COL18A1: variants seen among roughly 807,000 people sequenced by gnomAD.
COL18A1 encodes the protein collagen type XVIII alpha 1 chain.
COL18A1 carries 133 observed loss-of-function variants against 168.0 expected under a neutral mutation model. The observed-to-expected ratio is 0.79, with a 90% CI of 0.69 to 0.91. COL18A1 has a LOEUF of 0.91. Ranked by LOEUF, COL18A1 falls within the 40% of genes least tolerant of loss-of-function variation. The pLI is 0.00. For missense variants in COL18A1, 2,126 were observed against 1,925.4 expected (o/e 1.10, Z -1.95); for synonymous variants, 949 against 809.0 (o/e 1.17, Z -2.94).
intron 26 of COL18A1, 87 bp from the exon 27 acceptor site, chr21:45,494,458 C>G (rs779200941): frequency 6.3e-7 from 1 of 1,593,396 alleles, no homozygotes; most frequent in Middle Eastern, 1.7e-4. Context: ...GCCACCTAAC[C>G]GTGCCTTCGC....
intron 24 of COL18A1, 31 bp downstream of exon 24, chr21:45,492,744 G>GCCCGCCACTGCTCT: frequency 6.4e-7 from 1 of 1,551,336 alleles, no homozygotes; most frequent in Non-Finnish European, 8.8e-7. Context: ...GCTGCATGCT[G>GCCCGCCACTGCTCT]CCCGGCTGGG....
chr21:45,416,819 C>A (rs1291309466), intron 2 of COL18A1, among the ~76,000 whole-genome samples: 6 of 152,154 alleles, frequency 3.9e-5, no homozygotes. Context: ...CAGCGCCTGC[C>A]CCTGACAACT....
chr21:45,462,990 T>G (rs1189873756), intron 2 of COL18A1, among the ~76,000 whole-genome samples: 1 of 152,224 alleles, frequency 6.6e-6, no homozygotes. Flanking sequence ...AGCCTGTCCC[T>G]TTCCCTGGGT....
At chr21:45,476,320 A>G (rs1419417466) in intron 5 of COL18A1, 31 bp from the exon 6 acceptor site, 1 of 1,613,530 alleles carries the variant, frequency 6.2e-7, no homozygotes, top group South Asian at 1.1e-5. Context: ...TGCCGGCCGA[A>G]TAACAGGCCA....
intron 38 of COL18A1, among the ~76,000 whole-genome samples, chr21:45,508,901 G>A (rs1439640038): frequency 6.6e-6 from 1 of 152,182 alleles, no homozygotes; most frequent in African/African-American, 2.4e-5. Context: ...AGGGCCGTGG[G>A]GAAAGGTGCA....
chr21:45,437,150 ACACT>A lies in COL18A1; in HGVS notation c.107-31089_107-31086del, dbSNP rs1370460151. ...ACACAGGCACTCTCCACACACACTC[ACACT>A]CAGACACAGGCACTCTCCTGCACAC... is the stretch of plus-strand genomic sequence containing the variant. On this transcript the variant is annotated intron_variant, in intron 2 of 41. Coordinates refer to ENST00000651438, the MANE Select transcript of COL18A1 (RefSeq NM_001379500.1). Among the ~76,000 whole-genome samples the A allele has an allele frequency of 1.1e-4, 11 of 104,390 alleles. No individual in the cohort carries two copies. In the South Asian group the frequency reaches 1.8e-3, roughly 17 times the overall value. The allele number at this position is 104,390 out of a possible 152,430, so 68.5% of individuals were successfully genotyped here. A position where few individuals can be genotyped will look rare whatever the true frequency, so the allele number is the denominator to read the frequency against.
intron 2 of COL18A1, chr21:45,456,205 C>T (rs1042697947): frequency 1.1e-5 from 17 of 1,604,354 alleles, no homozygotes; most frequent in East Asian, 6.7e-5. Flanking sequence ...CCTTGCTGGG[C>T]GGGGCCCCTC....
At chr21:45,438,227 C>CA (rs1354809480) in intron 2 of COL18A1, among the ~76,000 whole-genome samples, 1 of 103,144 alleles carries the variant, frequency 9.7e-6, no homozygotes, top group Non-Finnish European at 2.0e-5. Flanking sequence ...CTCACACACT[C>CA]AGACACACAG....
At chr21:45,476,154 G>A (rs945378456) in intron 5 of COL18A1, among the ~76,000 whole-genome samples, 197 bp from the exon 6 acceptor site, 7 of 152,256 alleles carry the variant, frequency 4.6e-5, no homozygotes, top group Middle Eastern at 3.4e-3. Flanking sequence ...CTGGGGAGCC[G>A]GGGAGCCCAC....
In COL18A1 at chr21:45,494,894, G is replaced by A; in HGVS notation, c.2412G>A (p.Glu804=). 2 of 1,611,064 alleles carry A rather than the reference G, an allele frequency of 1.2e-6. No homozygotes were observed. The highest frequency in any genetic ancestry group is 1.7e-6 in the Non-Finnish European group (2 of 1,179,172). ...GPYGRPGYKG[E]IGFPGRPGRP... is the part of the protein sequence containing the mutation. Reference sequence around the variant, plus strand: ...ACGGACGGCCGGGGTACAAGGGAGAGATTGGCTTTCCTGGACGGCCGGTGA... The same window carrying A: ...ACGGACGGCCGGGGTACAAGGGAGAAATTGGCTTTCCTGGACGGCCGGTGA... Residue 804 remains glutamate (E), a synonymous_variant, in exon 28 of 42, where the codon GAG becomes GAA. Transcript: ENST00000651438.
chr21:45,439,274 G>T (rs191828819), intron 2 of COL18A1, among the ~76,000 whole-genome samples: 1 of 152,238 alleles, frequency 6.6e-6, no homozygotes, highest in African/African-American at 2.4e-5. Flanking sequence ...TGGACCGCCC[G>T]AGTGGCCGTG....
In COL18A1 at chr21:45,511,185, C is replaced by A; in HGVS notation, c.3768C>A (p.Ile1256=). 6.2e-7 allele frequency: 1 copy of A among 1,600,110 alleles called. No homozygotes were observed. The highest frequency in any genetic ancestry group is 8.5e-7 in the Non-Finnish European group (1 of 1,173,216). ...GTCCGCTGAAGCCCGGGGCACGCAT[C>A]TTCTCCTTTGACGGCAAGGACGTCC... is the stretch of plus-strand genomic sequence containing the variant. ...SEGPLKPGAR[I]FSFDGKDVLR... Residue 1256 remains isoleucine, a synonymous_variant, in exon 41 of 42, where the codon ATC becomes ATA. Coordinates refer to ENST00000651438, the MANE Select transcript of COL18A1 (RefSeq NM_001379500.1).
chr21:45,441,635 G>A (rs1281671974), intron 2 of COL18A1, among the ~76,000 whole-genome samples: 7 of 152,162 alleles, frequency 4.6e-5, no homozygotes, highest in Admixed American at 3.3e-4. Context: ...TTCACCAGCC[G>A]GCGCCTTCTA....
At position 45,482,931 on chromosome 21, in the gene COL18A1, G is replaced by T. The variant is rs2035951241; in HGVS notation, c.1701+110G>T. ...CGGTCGAGAGAGTGAGCTCTCTTGGGGCTGGCCTTGACCCCCACTCCTGCC... is the reference window on the plus strand; with the variant it reads ...CGGTCGAGAGAGTGAGCTCTCTTGGTGCTGGCCTTGACCCCCACTCCTGCC... On this transcript the variant is annotated intron_variant, in intron 15 of 41. Coordinates refer to ENST00000651438, the MANE Select transcript of COL18A1 (RefSeq NM_001379500.1). 3 of 1,524,566 alleles carry T rather than the reference G, an allele frequency of 2.0e-6. No homozygotes were observed. The East Asian group carries it at 7.0e-5, about 36-fold the overall frequency. 94.4% of individuals were successfully genotyped at this position (1,524,566 alleles called of 1,614,324 possible).
At chr21:45,433,939 A>G (rs549780962) in intron 2 of COL18A1, among the ~76,000 whole-genome samples, 21 of 152,220 alleles carry the variant, frequency 1.4e-4, no homozygotes, top group African/African-American at 4.8e-4. Flanking sequence ...GTTTTTGTGC[A>G]CGGTGGGAAA....
chr21:45,489,002 C>T (rs116676196), intron 18 of COL18A1, among the ~76,000 whole-genome samples: 69 of 152,300 alleles, frequency 4.5e-4, no homozygotes, highest in South Asian at 1.9e-3. Flanking sequence ...CCTTTCACCC[C>T]GCTGCGTGCT....
chr21:45,455,495 C>T (rs370300539), intron 2 of COL18A1: 268 of 1,608,638 alleles, frequency 1.7e-4, no homozygotes, highest in Non-Finnish European at 2.1e-4. Context: ...GCACAGAGGC[C>T]CTCCCGCCGC....
chr21:45,493,232 G>T lies in COL18A1; in HGVS notation c.2277+7G>T. Reference sequence around the variant, plus strand: ...AGGCTCCCCGGGACCCAAGGTAAGGGGCTCAGGTGCTGTCCCTCAACCCCC... The same window carrying T: ...AGGCTCCCCGGGACCCAAGGTAAGGTGCTCAGGTGCTGTCCCTCAACCCCC... On this transcript the variant is annotated splice_region_variant and intron_variant, in intron 25 of 41. Coordinates refer to ENST00000651438, the MANE Select transcript of COL18A1 (RefSeq NM_001379500.1). 1 of 1,555,220 alleles carries T rather than the reference G, an allele frequency of 6.4e-7. No individual in the cohort carries two copies. The highest frequency in any genetic ancestry group is 8.7e-7 in the Non-Finnish European group (1 of 1,149,378).
At chr21:45,509,963 C>A in intron 39 of COL18A1, 101 bp from the exon 40 acceptor site, 1 of 1,359,242 alleles carries the variant, frequency 7.4e-7, no homozygotes, top group Non-Finnish European at 1.0e-6. Flanking sequence ...GCCCCTCGGC[C>A]GTGCCTGTCC....
Sources: allele counts gnomAD v4.1 joint callset (sites outside exome capture counted in the v4.1 genomes callset), GRCh38; gene constraint gnomAD v4.1.1; transcripts MANE v1.5; gene names NCBI Gene and HGNC (gene_info 2026-07-23, HGNC 2026-07-21).